Variants in GLMN observed in about 807,000 individuals in gnomAD.
The protein encoded by GLMN is glomulin.
Under a neutral mutation model 87.8 loss-of-function variants are expected in GLMN, and 75 were observed. The ratio of observed to expected loss-of-function variants is 0.85; its 90% CI spans 0.71 to 1.04. The LOEUF is 1.04. GLMN is among the 50% of genes least tolerant of loss of function. The pLI, the probability that GLMN is intolerant of heterozygous loss-of-function variation, is 0.00. For synonymous variants in GLMN, 206 were observed against 221.6 expected (o/e 0.93, Z 0.63); for missense variants, 588 against 658.8 (o/e 0.89, Z 1.18).
chr1:92,259,799 A>G (rs1654783714), intron 16 of GLMN, among the ~76,000 whole-genome samples: 1 of 129,794 alleles, frequency 7.7e-6, no homozygotes, highest in Non-Finnish European at 1.5e-5. Flanking sequence ...CAGTGGCATG[A>G]TCTCGGCTCA....
At chr1:92,347,450 A>G in the GLMN span, among the ~76,000 whole-genome samples, 1 of 152,172 alleles carries the variant, frequency 6.6e-6, no homozygotes, top group South Asian at 2.1e-4. Flanking sequence ...TTTGGTCGAC[A>G]AGTCAGAGGC....
At position 92,274,042 on chromosome 1, in the gene GLMN, C is replaced by T. The variant is rs138004388; in HGVS notation, c.736-2390G>A. 1.3e-3 allele frequency among the ~76,000 whole-genome samples: 197 copies of T among 152,304 alleles called. 4 individuals are homozygous for T. In the East Asian group the frequency reaches 0.036, roughly 28 times the overall value. On this transcript the variant is annotated intron_variant, in intron 7 of 18. Transcript: ENST00000370360. ...GTGAGGATGGCTGAGGCCTGTGAAT[C>T]CCAACCACACCACACTTACCAGTAC... is the stretch of plus-strand genomic sequence containing the variant.
At chr1:92,249,493 A>G (rs1446486106) in intron 16 of GLMN, among the ~76,000 whole-genome samples, 2 of 151,822 alleles carry the variant, frequency 1.3e-5, no homozygotes, top group African/African-American at 4.8e-5. Context: ...CTCTCTATCC[A>G]GCCTTTTTCT....
intron 3 of GLMN, among the ~76,000 whole-genome samples, chr1:92,293,293 G>A (rs1649633741): frequency 2.0e-5 from 3 of 151,994 alleles, no homozygotes; most frequent in African/African-American, 4.8e-5. Flanking sequence ...ATATACAAAA[G>A]ACAGTCAATA....
chr1:92,290,239 A>G lies in GLMN; in HGVS notation c.353T>C (p.Ile118Thr), dbSNP rs1428328287. The G allele has an allele frequency of 1.6e-5, 26 of 1,609,272 alleles. No homozygotes were observed. The highest frequency in any genetic ancestry group is 2.1e-5 in the Non-Finnish European group (25 of 1,175,870). The change falls in exon 5 of 19, where the codon ATA becomes ACA. Residue 118 changes from isoleucine (I) to threonine (T), a missense_variant. Ile to Thr is a moderately conservative substitution (Grantham distance 89). Coordinates refer to ENST00000370360, the MANE Select transcript of GLMN (RefSeq NM_053274.3). ...AAGCAAAAGAAGAATACTTTGGGATATCTGTTTTCCAGAGGGCTCTTCAAT... is the reference window on the plus strand; with the variant it reads ...AAGCAAAAGAAGAATACTTTGGGATGTCTGTTTTCCAGAGGGCTCTTCAAT... ...ELIEEPSGKQ[I>T]SQSILLLLQP...
In GLMN at chr1:92,297,119, T is replaced by C. The variant is rs191871768; in HGVS notation, c.165+285A>G. 2.3e-3 allele frequency among the ~76,000 whole-genome samples: 340 copies of C among 150,438 alleles called. 1 individual carries two copies. The highest frequency in any genetic ancestry group is 3.6e-3 in the Non-Finnish European group (245 of 67,412). ...AAGTATATGACTGTTTCTTTTCTTT[T>C]TTTTTTTTTTTTTTCTGAGACAGGG... On this transcript the variant is annotated intron_variant, in intron 3 of 18. Coordinates refer to ENST00000370360, the MANE Select transcript of GLMN (RefSeq NM_053274.3).
chr1:92,310,596 AAAT>A, the GLMN span, among the ~76,000 whole-genome samples: 80 of 152,220 alleles, frequency 5.3e-4, 1 homozygote, highest in Non-Finnish European at 1.1e-3. Flanking sequence ...CATAATTTTA[AAAT>A]AATAATAAAT....
chr1:92,288,870 A>G (rs1286811805), intron 6 of GLMN, 44 bp downstream of exon 6: 1 of 919,030 alleles, frequency 1.1e-6, no homozygotes, highest in African/African-American at 1.6e-5. Flanking sequence ...CTGAACTATC[A>G]ATTACTTAAG....
intron 5 of GLMN, 88 bp downstream of exon 5, chr1:92,290,110 A>G: frequency 1.3e-6 from 1 of 790,324 alleles, no homozygotes; most frequent in Non-Finnish European, 2.3e-6. Flanking sequence ...TGTAAACTTT[A>G]CTTTGGTGTA....
chr1:92,283,155 C>A (rs1648289551), intron 7 of GLMN, among the ~76,000 whole-genome samples: 2 of 152,172 alleles, frequency 1.3e-5, no homozygotes, highest in African/African-American at 4.8e-5. Context: ...GATACCAAAG[C>A]CTGGCAGAGA....
chr1:92,353,935 A>G, the GLMN span, among the ~76,000 whole-genome samples: 1 of 152,150 alleles, frequency 6.6e-6, no homozygotes, highest in Non-Finnish European at 1.5e-5. Context: ...AGAATTCCCT[A>G]TATCTTTGGC....
At chr1:92,259,731 TC>T (rs1384824303) in intron 16 of GLMN, among the ~76,000 whole-genome samples, 2 of 119,538 alleles carry the variant, frequency 1.7e-5, no homozygotes, top group Non-Finnish European at 3.3e-5. Flanking sequence ...TTTTTTTCTT[TC>T]TTTTTTTTTT....
intron 18 of GLMN, 93 bp from the exon 19 acceptor site, chr1:92,246,739 G>T: frequency 1.3e-6 from 1 of 760,746 alleles, no homozygotes; most frequent in Non-Finnish European, 2.4e-6. Flanking sequence ...GGTAGCTTAG[G>T]AATATTTAAG....
At chr1:92,254,411 C>T (rs149343768) in intron 16 of GLMN, among the ~76,000 whole-genome samples, 3 of 152,244 alleles carry the variant, frequency 2.0e-5, no homozygotes, top group Non-Finnish European at 2.9e-5. Flanking sequence ...TCAGAAAATA[C>T]AGAGAACACC....
At chr1:92,295,732 T>C (rs1189346029) in intron 3 of GLMN, among the ~76,000 whole-genome samples, 1 of 152,216 alleles carries the variant, frequency 6.6e-6, no homozygotes, top group Non-Finnish European at 1.5e-5. Context: ...ACATAAAAGC[T>C]GACTTACTTT....
intron 16 of GLMN, among the ~76,000 whole-genome samples, chr1:92,253,133 A>AACTT (rs1232310320): frequency 6.6e-6 from 1 of 152,210 alleles, no homozygotes; most frequent in African/African-American, 2.4e-5. Context: ...AGAAAGAAAC[A>AACTT]ACTTACACAA....
At chr1:92,315,584 T>A in the GLMN span, among the ~76,000 whole-genome samples, 1 of 152,244 alleles carries the variant, frequency 6.6e-6, no homozygotes, top group Non-Finnish European at 1.5e-5. Flanking sequence ...CCAGATTTTA[T>A]AATACCAAAA....
chr1:92,269,745 G>T lies in GLMN; in HGVS notation c.955C>A (p.His319Asn). ...PLYLLQFNMGHIEVFLQRTEE... is the reference protein window; with the variant it reads ...PLYLLQFNMGNIEVFLQRTEE... ...TACCTTTGCAAAAAGACTTCAATGT[G>T]CCCCATATTAAACTGCAAAAGGTAC... Residue 319 changes from histidine (H) to asparagine (N), a missense_variant, in exon 9 of 19, where the codon CAC (histidine) becomes AAC (asparagine). His to Asn is a moderately conservative substitution (Grantham distance 68). Transcript: ENST00000370360. The T allele has an allele frequency of 6.2e-7, 1 of 1,608,136 alleles. No individual in the cohort carries two copies. The highest frequency in any genetic ancestry group is 8.5e-7 in the Non-Finnish European group (1 of 1,174,850).
the GLMN span, among the ~76,000 whole-genome samples, chr1:92,353,853 G>C: frequency 6.6e-6 from 1 of 152,118 alleles, no homozygotes; most frequent in Non-Finnish European, 1.5e-5. Flanking sequence ...TGGGAATCTA[G>C]ATAGTTTCTA....
Sources: allele counts gnomAD v4.1 joint callset (sites outside exome capture counted in the v4.1 genomes callset), GRCh38; gene constraint gnomAD v4.1.1; transcripts MANE v1.5; gene names NCBI Gene and HGNC (gene_info 2026-07-23, HGNC 2026-07-21).